SORCS3: variants seen among roughly 807,000 people sequenced by gnomAD.
The protein encoded by SORCS3 is VPS10 domain-containing receptor SorCS3.
SORCS3 carries 57 observed loss-of-function variants against 146.3 expected under a neutral mutation model. The ratio of observed to expected loss-of-function variants is 0.39; its 90% CI spans 0.31 to 0.49. The LOEUF is 0.49. Ranked by LOEUF, SORCS3 falls within the 20% of genes least tolerant of loss-of-function variation. SORCS3 has a pLI of 0.92. For synonymous variants in SORCS3, 653 were observed against 618.5 expected, an observed-to-expected ratio of 1.06 and a Z score of -0.83; for missense variants, 1,341 against 1,575.5, an observed-to-expected ratio of 0.85 and a Z score of 2.52.
chr10:105,103,322 T>G (rs2055799224), intron 6 of SORCS3, among the ~76,000 whole-genome samples: 1 of 152,100 alleles, frequency 6.6e-6, no homozygotes, highest in Non-Finnish European at 1.5e-5. Context: ...AGCGTTTGAG[T>G]TTATTAGGAT....
intron 7 of SORCS3, among the ~76,000 whole-genome samples, chr10:105,114,626 A>G (rs1189984071): frequency 6.6e-6 from 1 of 152,128 alleles, no homozygotes; most frequent in African/African-American, 2.4e-5. Flanking sequence ...CCAGGAGAAG[A>G]GAGTGGCTTC....
Position 105,062,008 on chromosome 10 carries a change from G to C in SORCS3, c.1028+18880G>C, listed in dbSNP as rs563363674. ...CCTCAACACTTAGGATAAATTCCTG[G>C]GACAGAGGGGGATTCAGGTGGCATC... On this transcript the variant is annotated intron_variant, in intron 5 of 26. Transcript: ENST00000369701. 4.0e-4 allele frequency among the ~76,000 whole-genome samples: 61 copies of C among 152,264 alleles called. 3 individuals are homozygous for C. The Middle Eastern group carries it at 0.01, about 25-fold the overall frequency.
intron 4 of SORCS3, among the ~76,000 whole-genome samples, chr10:104,988,194 G>A (rs1355866044): frequency 6.6e-6 from 1 of 152,176 alleles, no homozygotes; most frequent in African/African-American, 2.4e-5. Flanking sequence ...GCCTGGCTGA[G>A]GTACAGCCAC....
At chr10:104,997,879 T>C (rs1179965741) in intron 4 of SORCS3, among the ~76,000 whole-genome samples, 17 of 152,122 alleles carry the variant, frequency 1.1e-4, no homozygotes, top group Admixed American at 1.1e-3. Context: ...TCTGGTAGAA[T>C]GGAAAAAGTA....
intron 1 of SORCS3, among the ~76,000 whole-genome samples, chr10:104,781,908 TCTC>T (rs1258335748): frequency 6.6e-6 from 1 of 152,228 alleles, no homozygotes; most frequent in Non-Finnish European, 1.5e-5. Context: ...CTCACTGTGT[TCTC>T]CTTTAGATAA....
chr10:105,262,516 T>G (rs754010535), intron 26 of SORCS3, 25 bp downstream of exon 26: 73 of 1,605,044 alleles, frequency 4.5e-5, no homozygotes, highest in Non-Finnish European at 6.1e-5. Flanking sequence ...TCCACTAAGC[T>G]CCCCTGTTCT....
chr10:104,716,563 A>C (rs956787311), intron 1 of SORCS3, among the ~76,000 whole-genome samples: 17 of 152,074 alleles, frequency 1.1e-4, no homozygotes, highest in African/African-American at 4.1e-4. Context: ...GGGAGTGGGG[A>C]GAGAGAAGAA....
At chr10:105,210,453 T>C (rs181027082) in intron 16 of SORCS3, among the ~76,000 whole-genome samples, 25 of 152,216 alleles carry the variant, frequency 1.6e-4, no homozygotes, top group Admixed American at 7.2e-4. Context: ...CACCCAGGAG[T>C]CTTCTGAAAC....
intron 1 of SORCS3, among the ~76,000 whole-genome samples, chr10:104,789,555 G>A (rs1487799097): frequency 2.0e-5 from 3 of 152,194 alleles, no homozygotes; most frequent in Admixed American, 1.3e-4. Context: ...GTGTTACTGG[G>A]TTCTAACATT....
At chr10:104,716,912 T>C (rs2016486017) in intron 1 of SORCS3, among the ~76,000 whole-genome samples, 1 of 152,240 alleles carries the variant, frequency 6.6e-6, no homozygotes. Context: ...GAGAAAGCAC[T>C]TGAAGAGCTT....
At chr10:105,226,242 G>A (rs1442660076) in intron 20 of SORCS3, among the ~76,000 whole-genome samples, 1 of 151,692 alleles carries the variant, frequency 6.6e-6, no homozygotes, top group Admixed American at 6.6e-5. Flanking sequence ...TTCTATGCTG[G>A]TTTTTTGAGA....
chr10:105,087,223 A>G (rs551358831), intron 5 of SORCS3, among the ~76,000 whole-genome samples: 25 of 152,292 alleles, frequency 1.6e-4, no homozygotes, highest in African/African-American at 6.0e-4. Flanking sequence ...GGTTTGTTGA[A>G]GATCAGATGG....
chr10:104,935,612 A>G (rs937069908), intron 3 of SORCS3, among the ~76,000 whole-genome samples: 3 of 152,180 alleles, frequency 2.0e-5, no homozygotes. Context: ...CATTCCCAGG[A>G]GAGTGATAAG....
intron 1 of SORCS3, among the ~76,000 whole-genome samples, chr10:104,753,358 A>G (rs949033071): frequency 6.6e-6 from 1 of 152,226 alleles, no homozygotes; most frequent in African/African-American, 2.4e-5. Flanking sequence ...CAAGAAATAT[A>G]AAAGGAAAAG....
chr10:104,741,643 T>C (rs2133460774), intron 1 of SORCS3, among the ~76,000 whole-genome samples: 1 of 149,226 alleles, frequency 6.7e-6, no homozygotes, highest in East Asian at 2.0e-4. Context: ...AGAAAAATAA[T>C]TTCTATTTTT....
At chr10:104,887,971 G>GGGGGGGC (rs145157471) in intron 2 of SORCS3, among the ~76,000 whole-genome samples, 9 of 83,116 alleles carry the variant, frequency 1.1e-4, no homozygotes, top group Non-Finnish European at 1.5e-4. Context: ...GGGGGGCGGG[G>GGGGGGGC]GCGGAGCAAG....
At chr10:104,706,173 C>G (rs1463606919) in intron 1 of SORCS3, among the ~76,000 whole-genome samples, 3 of 107,044 alleles carry the variant, frequency 2.8e-5, no homozygotes, top group Non-Finnish European at 6.0e-5. Context: ...ACTAGAGTTT[C>G]TTTTGTTTGT....
At chr10:105,230,533 T>G (rs1044552294) in intron 20 of SORCS3, among the ~76,000 whole-genome samples, 6 of 152,192 alleles carry the variant, frequency 3.9e-5, no homozygotes, top group African/African-American at 9.7e-5. Context: ...ACTCATATCT[T>G]AGCCTTGACT....
chr10:105,085,026 G>A (rs550267209), intron 5 of SORCS3, among the ~76,000 whole-genome samples: 106 of 152,180 alleles, frequency 7.0e-4, no homozygotes, highest in African/African-American at 2.0e-3. Context: ...CACCGCGCCC[G>A]GCCAAGGCAG....
Sources: gnomAD v4.1 joint callset for allele counts (sites outside exome capture counted in the v4.1 genomes callset) on GRCh38, gnomAD v4.1.1 for gene constraint, MANE v1.5 for transcripts, NCBI Gene and HGNC (gene_info 2026-07-23, HGNC 2026-07-21) for gene names.